Variants in TRIM67 observed in about 807,000 individuals in gnomAD.
TRIM67 encodes tripartite motif-containing protein 67.
In TRIM67, 39 loss-of-function variants were observed where a neutral mutation model predicts 71.0. The observed-to-expected ratio is 0.55, with a 90% CI of 0.43 to 0.72. The LOEUF (loss-of-function observed/expected upper bound fraction) is 0.72. Ranked by LOEUF, TRIM67 falls within the 30% of genes least tolerant of loss-of-function variation. TRIM67 has a pLI of 0.00. For missense variants in TRIM67, 973 were observed against 1,079.2 expected (o/e 0.90, Z 1.38); for synonymous variants, 481 against 473.9 (o/e 1.01, Z -0.19).
At chr1:231,185,067 G>C in intron 1 of TRIM67, 1 of 1,532,864 alleles carries the variant, frequency 6.5e-7, no homozygotes, top group Non-Finnish European at 8.7e-7. Flanking sequence ...GCTGGTGCCT[G>C]GACTTCCAGA....
At chr1:231,173,227 T>C (rs1682658463) in intron 1 of TRIM67, among the ~76,000 whole-genome samples, 1 of 152,002 alleles carries the variant, frequency 6.6e-6, no homozygotes, top group Admixed American at 6.6e-5. Context: ...AATACCAAGA[T>C]GGAAATAAAA....
chr1:231,193,608 A>C (rs1683294339), intron 1 of TRIM67, among the ~76,000 whole-genome samples: 1 of 145,222 alleles, frequency 6.9e-6, no homozygotes, highest in African/African-American at 2.6e-5. Context: ...CATTGCTATA[A>C]AGGAATATCT....
intron 6 of TRIM67, among the ~76,000 whole-genome samples, chr1:231,206,447 A>C (rs1464775971): frequency 1.3e-5 from 2 of 152,166 alleles, no homozygotes; most frequent in Non-Finnish European, 2.9e-5. Flanking sequence ...CCCTCAAAAA[A>C]ATAAAAACAA....
intron 1 of TRIM67, among the ~76,000 whole-genome samples, chr1:231,181,437 G>A (rs12119126): frequency 0.08 from 12,245 of 152,222 alleles, 581 homozygotes; most frequent in South Asian, 0.11. Flanking sequence ...AGAAGTGAAC[G>A]TTTGTGGTTG....
chr1:231,166,906 A>T (rs1215085672), intron 1 of TRIM67, among the ~76,000 whole-genome samples: 1 of 152,212 alleles, frequency 6.6e-6, no homozygotes, highest in African/African-American at 2.4e-5. Context: ...ACTGTACAGG[A>T]GAGCTTTTGG....
At chr1:231,198,776 T>G (rs140571508) in intron 2 of TRIM67, among the ~76,000 whole-genome samples, 9 of 152,310 alleles carry the variant, frequency 5.9e-5, no homozygotes, top group African/African-American at 2.2e-4. Flanking sequence ...TTTTCTTTCT[T>G]AACAGTCTCT....
intron 9 of TRIM67, 32 bp downstream of exon 9, chr1:231,214,009 G>T (rs753298823): frequency 1.9e-6 from 3 of 1,576,746 alleles, no homozygotes; most frequent in Non-Finnish European, 2.6e-6. Flanking sequence ...GACCTGGTCT[G>T]GCTGCTCCCA....
chr1:231,220,121 T>G lies in TRIM67; in HGVS notation c.*4681T>G, dbSNP rs1684107074. On this transcript the variant is annotated 3_prime_UTR_variant, in exon 10 of 10. Transcript: ENST00000366653. ...AAGAAAAAAAGTGCAGTCTTTCATC[T>G]CTGGCATCTAAGCTAATGATTCCCA... 1 of 466,710 alleles carries G rather than the reference T, an allele frequency of 2.1e-6. No individual in the cohort carries two copies. The highest frequency in any genetic ancestry group is 2.0e-5 in the African/African-American group (1 of 49,194). The allele number at this position is 466,710 out of a possible 1,614,324, so 28.9% of individuals were successfully genotyped here. A position where few individuals can be genotyped will look rare whatever the true frequency, so the allele number is the denominator to read the frequency against.
In TRIM67 at chr1:231,163,611, C is replaced by T; in HGVS notation, c.642C>T (p.Thr214=). The change falls in exon 1 of 10, where the codon ACC becomes ACT. Residue 214 remains threonine, a synonymous_variant. Coordinates refer to ENST00000366653, the MANE Select transcript of TRIM67 (RefSeq NM_001004342.5). ...CCATCTGCCAGCTGTGCGACCGCACCCCGCCAGAGCCAGCAGCCACGCTCT... is the reference window on the plus strand; with the variant it reads ...CCATCTGCCAGCTGTGCGACCGCACTCCGCCAGAGCCAGCAGCCACGCTCT... ...AVAICQLCDR[T]PPEPAATLCE... The T allele has an allele frequency of 6.6e-7, 1 of 1,518,142 alleles. No individual in the cohort carries two copies. Among genetic ancestry groups the T allele is most frequent in the Middle Eastern group, 1.7e-4 (1 of 5,844 alleles). The allele number at this position is 1,518,142 out of a possible 1,614,324, so 94.0% of individuals were successfully genotyped here.
chr1:231,172,819 TACTCAGAA>T (rs1682651017), intron 1 of TRIM67, among the ~76,000 whole-genome samples: 1 of 152,250 alleles, frequency 6.6e-6, no homozygotes, highest in Non-Finnish European at 1.5e-5. Flanking sequence ...GAACTATGAA[TACTCAGAA>T]ACAACAAGCC....
In TRIM67 at chr1:231,163,447, C is replaced by A; in HGVS notation, c.478C>A (p.Pro160Thr). The change falls in exon 1 of 10, where the codon CCG becomes ACG. Residue 160 changes from proline to threonine, a missense_variant. Transcript: ENST00000366653. Reference protein sequence around the residue: ...LSSSSSSITCPQCHRSASLDH... With the variant: ...LSSSSSSITCTQCHRSASLDH... ...CTCGTCTTCGAGCTCCATCACGTGC[C>A]CGCAGTGCCACCGCAGCGCATCCCT... 6.5e-7 allele frequency: 1 copy of A among 1,540,710 alleles called. No homozygotes were observed. The highest frequency in any genetic ancestry group is 1.8e-4 in the Middle Eastern group (1 of 5,684).
In TRIM67 at chr1:231,209,305, G is replaced by T. The variant is rs1371643786; in HGVS notation, c.2123+55G>T. ...GGACACAGGTTGTTTGGGAATGAGG[G>T]TCCTGAAGACCAGTGTCCCTTCTGC... On this transcript the variant is annotated intron_variant, in intron 8 of 9. Transcript: ENST00000366653. The surrounding 1 kb of genome is among the most constrained non-coding windows in gnomAD (Gnocchi z 4.1). The T allele has an allele frequency of 6.8e-7, 1 of 1,477,220 alleles. No individual in the cohort carries two copies. Among genetic ancestry groups the T allele is most frequent in the Non-Finnish European group, 9.0e-7 (1 of 1,108,352 alleles). 91.5% of individuals were successfully genotyped at this position (1,477,220 alleles called of 1,614,324 possible).
At chr1:231,191,443 G>A (rs58135532) in intron 1 of TRIM67, among the ~76,000 whole-genome samples, 8,293 of 152,198 alleles carry the variant, frequency 0.054, 393 homozygotes, top group East Asian at 0.24. Context: ...AAACAAAGCC[G>A]CTCTCCGCGG....
At chr1:231,170,901 C>T (rs1682602773) in intron 1 of TRIM67, among the ~76,000 whole-genome samples, 2 of 152,242 alleles carry the variant, frequency 1.3e-5, no homozygotes, top group Non-Finnish European at 2.9e-5. Flanking sequence ...CCTTGTTGGT[C>T]GCAATCTAAG....
rs748012084 is a variant in TRIM67, at chr1:231,201,468, G to A, written c.1485G>A (p.Pro495=). The A allele has an allele frequency of 1.4e-5, 23 of 1,613,772 alleles. No homozygotes were observed. Among genetic ancestry groups the A allele is most frequent in the East Asian group, 4.5e-5 (2 of 44,902 alleles). Residue 495 remains proline (P), a synonymous_variant, in exon 5 of 10, where the codon CCG becomes CCA. Coordinates refer to ENST00000366653, the MANE Select transcript of TRIM67 (RefSeq NM_001004342.5). The part of the protein sequence containing the change: ...AEFDLTLDSE[P]LLQAIHQLDF... The stretch of plus-strand genomic sequence containing the variant: ...TTGATCTGACTTTGGACAGCGAGCC[G>A]CTGCTGCAGGCCATCCACCAGCTGG...
intron 1 of TRIM67, among the ~76,000 whole-genome samples, chr1:231,196,937 C>T (rs1683381542): frequency 6.6e-6 from 1 of 152,190 alleles, no homozygotes; most frequent in African/African-American, 2.4e-5. Flanking sequence ...GGGTTTGCAC[C>T]CCAGGCCAGG....
intron 7 of TRIM67, among the ~76,000 whole-genome samples, chr1:231,208,668 C>G (rs145178026): frequency 5.6e-4 from 86 of 152,214 alleles, no homozygotes; most frequent in Middle Eastern, 3.4e-3. Flanking sequence ...AAACCAAGAC[C>G]AGAAAATGCA....
In TRIM67 at chr1:231,163,082, C is replaced by A. The variant is rs2102706107; in HGVS notation, c.113C>A (p.Thr38Asn). 1 of 1,591,064 alleles carries A rather than the reference C, an allele frequency of 6.3e-7. No individual in the cohort carries two copies. Among genetic ancestry groups the A allele is most frequent in the East Asian group, 2.3e-5 (1 of 43,214 alleles). Residue 38 changes from threonine (T) to asparagine (N), a missense_variant, in exon 1 of 10, where the codon ACC becomes AAC. Thr to Asn is a moderately conservative substitution (Grantham distance 65). Around this residue, in one of 2 missense-constraint regions of TRIM67, gnomAD observed 795 missense variants for 831.3 expected, o/e 0.96. Transcript: ENST00000366653. ...LPCARTIAVQTPDGEQHLPQP... is the reference protein window; with the variant it reads ...LPCARTIAVQNPDGEQHLPQP... ...TGCGCTCGCACCATCGCGGTGCAGA[C>A]CCCGGACGGTGAGCAGCACCTGCCC... is the stretch of plus-strand genomic sequence containing the variant.
intron 1 of TRIM67, among the ~76,000 whole-genome samples, chr1:231,196,725 G>A (rs1475230075): frequency 2.0e-5 from 3 of 152,222 alleles, no homozygotes; most frequent in Non-Finnish European, 4.4e-5. Context: ...TTGGGCCACA[G>A]CAACTGATCC....
Sources: allele counts gnomAD v4.1 joint callset (sites outside exome capture counted in the v4.1 genomes callset), GRCh38; gene constraint gnomAD v4.1.1; regional missense constraint gnomAD v4.1.1; non-coding constraint Gnocchi (gnomAD v3.1); transcripts MANE v1.5; gene names NCBI Gene and HGNC (gene_info 2026-07-23, HGNC 2026-07-21).